EXOC4: variants seen among roughly 807,000 people sequenced by gnomAD.
The protein encoded by EXOC4 is SEC8-like 1.
In EXOC4, 71 loss-of-function variants were observed where a neutral mutation model predicts 107.2. The observed-to-expected ratio is 0.66, with a 90% CI of 0.55 to 0.81. The LOEUF is 0.81. EXOC4 is among the 30% of genes least tolerant of loss of function. The probability of loss-of-function intolerance (pLI) is 0.00; values close to 1 mark genes in which losing one functional copy is unlikely to be tolerated. For synonymous variants in EXOC4, 456 were observed against 441.2 expected, an observed-to-expected ratio of 1.03 and a Z score of -0.42; for missense variants, 1,108 against 1,189.6, an observed-to-expected ratio of 0.93 and a Z score of 1.01.
chr7:133,845,571 G>A (rs1798110264), intron 11 of EXOC4, among the ~76,000 whole-genome samples: 1 of 151,844 alleles, frequency 6.6e-6, no homozygotes, highest in South Asian at 2.1e-4. Flanking sequence ...GTAACTTGGT[G>A]GGCTTTCTCC....
intron 7 of EXOC4, among the ~76,000 whole-genome samples, chr7:133,471,543 C>T (rs1798879023): frequency 6.6e-6 from 1 of 152,060 alleles, no homozygotes; most frequent in Admixed American, 6.6e-5. Context: ...CAAACAAACA[C>T]AAATTGCAAA....
At chr7:133,391,460 T>G (rs935640973) in intron 7 of EXOC4, among the ~76,000 whole-genome samples, 5 of 152,210 alleles carry the variant, frequency 3.3e-5, no homozygotes, top group African/African-American at 1.2e-4. Flanking sequence ...CCAGTACTTG[T>G]GAGGCAGCAT....
At chr7:133,257,389 C>T in intron 1 of EXOC4, among the ~76,000 whole-genome samples, 1 of 150,904 alleles carries the variant, frequency 6.6e-6, no homozygotes, top group East Asian at 1.9e-4. Flanking sequence ...CACACACGTG[C>T]ACACACACAA....
At chr7:133,793,048 C>T (rs1453021259) in intron 10 of EXOC4, among the ~76,000 whole-genome samples, 1 of 152,054 alleles carries the variant, frequency 6.6e-6, no homozygotes, top group Non-Finnish European at 1.5e-5. Flanking sequence ...CTCCTGGTAA[C>T]CCCGCCCATT....
intron 14 of EXOC4, among the ~76,000 whole-genome samples, chr7:133,949,688 AGTCCCTCTAATAGAGTATTTTATC>A (rs139402095): frequency 0.012 from 1,806 of 152,330 alleles, 47 homozygotes; most frequent in African/African-American, 0.041. Flanking sequence ...ATTTAAAAAC[AGTCCCTCTAATAGAGTATTTTATC>A]ATGCCGGACA....
At chr7:134,048,559 A>G (rs548222053) in intron 17 of EXOC4, among the ~76,000 whole-genome samples, 5 of 152,278 alleles carry the variant, frequency 3.3e-5, no homozygotes, top group South Asian at 2.1e-4. Flanking sequence ...TCACATTTCA[A>G]CCAGACCAGT....
intron 14 of EXOC4, among the ~76,000 whole-genome samples, chr7:133,981,357 A>G (rs1793974549): frequency 6.6e-6 from 1 of 152,184 alleles, no homozygotes; most frequent in Admixed American, 6.5e-5. Flanking sequence ...TCATTGTTTC[A>G]GTGCCCACAT....
chr7:133,257,668 C>T (rs1156697227), intron 1 of EXOC4, among the ~76,000 whole-genome samples: 1 of 152,102 alleles, frequency 6.6e-6, no homozygotes, highest in African/African-American at 2.4e-5. Context: ...CTTCAGGAGA[C>T]CTTATTGAAA....
chr7:133,686,946 C>T (rs374987378), intron 10 of EXOC4, among the ~76,000 whole-genome samples: 2 of 151,436 alleles, frequency 1.3e-5, no homozygotes, highest in African/African-American at 4.9e-5. Flanking sequence ...TGCAAAAATA[C>T]AGAAACCAGC....
intron 14 of EXOC4, among the ~76,000 whole-genome samples, chr7:133,953,874 AATC>A (rs1461325783): frequency 6.6e-6 from 1 of 152,204 alleles, no homozygotes; most frequent in African/African-American, 2.4e-5. Flanking sequence ...AAAGTAAAAC[AATC>A]AGAAACATTG....
At chr7:133,661,701 A>AAAAAG (rs1793688347) in intron 10 of EXOC4, among the ~76,000 whole-genome samples, 1 of 146,868 alleles carries the variant, frequency 6.8e-6, no homozygotes, top group Admixed American at 6.7e-5. Flanking sequence ...AAAAAAAAAA[A>AAAAAG]AACAAGAATT....
intron 13 of EXOC4, among the ~76,000 whole-genome samples, chr7:133,925,758 A>G (rs1355105035): frequency 6.6e-6 from 1 of 152,232 alleles, no homozygotes; most frequent in East Asian, 1.9e-4. Context: ...AAGATGCACA[A>G]TAAAGAATTA....
At chr7:133,536,890 CAT>C (rs1431350233) in intron 9 of EXOC4, among the ~76,000 whole-genome samples, 1 of 152,082 alleles carries the variant, frequency 6.6e-6, no homozygotes, top group Non-Finnish European at 1.5e-5. Flanking sequence ...AAAAGTAAGA[CAT>C]ATGCTTCTCT....
At chr7:133,971,334 G>GTGTATATATA (rs1413652002) in intron 14 of EXOC4, among the ~76,000 whole-genome samples, 1 of 41,788 alleles carries the variant, frequency 2.4e-5, no homozygotes, top group African/African-American at 9.8e-5. Context: ...GGGAAAATGT[G>GTGTATATATA]TATATATATA....
intron 10 of EXOC4, among the ~76,000 whole-genome samples, chr7:133,656,819 T>A (rs1044389020): frequency 1.3e-4 from 20 of 152,214 alleles, no homozygotes; most frequent in African/African-American, 4.8e-4. Context: ...TAGTGATTTG[T>A]GTGAAGTTGT....
intron 10 of EXOC4, among the ~76,000 whole-genome samples, chr7:133,798,189 T>C (rs753423632): frequency 2.8e-4 from 42 of 152,028 alleles, no homozygotes; most frequent in Admixed American, 1.0e-3. Context: ...GAGTTAGTCC[T>C]CAACATTTCT....
chr7:133,687,319 A>T (rs565495615), intron 10 of EXOC4, among the ~76,000 whole-genome samples: 1 of 152,154 alleles, frequency 6.6e-6, no homozygotes, highest in South Asian at 2.1e-4. Flanking sequence ...TACTCAGGTG[A>T]TGGGTGCACC....
At chr7:133,578,290 A>G (rs746911895) in intron 9 of EXOC4, among the ~76,000 whole-genome samples, 11 of 151,970 alleles carry the variant, frequency 7.2e-5, no homozygotes, top group Non-Finnish European at 1.3e-4. Flanking sequence ...TAAAAAGAAG[A>G]CTCTTTTCAC....
chr7:133,473,353 C>A (rs1798928813), intron 7 of EXOC4, among the ~76,000 whole-genome samples: 1 of 152,120 alleles, frequency 6.6e-6, no homozygotes, highest in South Asian at 2.1e-4. Context: ...ATTTACCAGT[C>A]TGTTGACATG....
Sources: allele counts gnomAD v4.1 joint callset (sites outside exome capture counted in the v4.1 genomes callset), GRCh38; gene constraint gnomAD v4.1.1; transcripts MANE v1.5; gene names NCBI Gene and HGNC (gene_info 2026-07-23, HGNC 2026-07-21).